PDPK1: variants seen among roughly 807,000 people sequenced by gnomAD.
The protein encoded by PDPK1 is 3-phosphoinositide-dependent protein kinase 1.
PDPK1 carries 7 observed loss-of-function variants against 39.8 expected under a neutral mutation model. The observed-to-expected ratio is 0.18, with a 90% confidence interval of 0.10 to 0.33. PDPK1 has a LOEUF of 0.33. Among genes scored for constraint, PDPK1 ranks in the 10% least tolerant of loss-of-function variants. The pLI, the probability that PDPK1 is intolerant of heterozygous loss-of-function variation, is 1.00. For missense variants in PDPK1, 182 were observed against 384.7 expected, an observed-to-expected ratio of 0.47 and a Z score of 4.41; for synonymous variants, 118 against 159.1, an observed-to-expected ratio of 0.74 and a Z score of 1.95.
rs750722104 is a variant in PDPK1 at position 2,558,683 on chromosome 16, C to T, written c.285+720C>T. On this transcript the variant is annotated intron_variant, in intron 2 of 13. Coordinates refer to ENST00000342085, the MANE Select transcript of PDPK1 (RefSeq NM_002613.5). The stretch of plus-strand genomic sequence containing the variant: ...AGGTTCAGGGGAGGCCTGAGCAACT[C>T]GGGGTGTACTGTCTCCATCTGGGCC... Among the ~76,000 whole-genome samples, 104 of 148,066 alleles carry T rather than the reference C, an allele frequency of 7.0e-4. 3 individuals are homozygous for T. The highest frequency in any genetic ancestry group is 1.3e-3 in the Non-Finnish European group (88 of 67,960).
chr16:2,558,020 C>T, intron 2 of PDPK1, 57 bp downstream of exon 2: 6 of 1,597,876 alleles, frequency 3.8e-6, no homozygotes, highest in Non-Finnish European at 5.1e-6. Context: ...GGGAGGCTCA[C>T]CTTCCTCGGG....
chr16:2,591,450 T>G (rs542860549), intron 11 of PDPK1, among the ~76,000 whole-genome samples: 1 of 152,328 alleles, frequency 6.6e-6, no homozygotes, highest in South Asian at 2.1e-4. Context: ...GAGTCAGATT[T>G]CACATTGCAA....
intron 11 of PDPK1, among the ~76,000 whole-genome samples, chr16:2,591,378 G>T (rs116547672): frequency 1.7e-4 from 26 of 152,358 alleles, no homozygotes; most frequent in African/African-American, 6.3e-4. Context: ...GGGTAGAAGA[G>T]CCCCTAGTGC....
intron 1 of PDPK1, 81 bp downstream of exon 1, chr16:2,538,217 G>T: frequency 1.3e-6 from 1 of 761,510 alleles, no homozygotes; most frequent in South Asian, 5.8e-5. Flanking sequence ...GCGAGGCGGG[G>T]CGGCCCGGGG....
chr16:2,600,942 C>T lies in PDPK1; in HGVS notation c.*3175C>T, dbSNP rs1203380219. 1 of 227,080 alleles carries T rather than the reference C, an allele frequency of 4.4e-6. No individual in the cohort carries two copies. The highest frequency in any genetic ancestry group is 8.6e-6 in the Non-Finnish European group (1 of 116,304). 14.1% of individuals were successfully genotyped at this position (227,080 alleles called of 1,614,324 possible). On this transcript the variant is annotated 3_prime_UTR_variant, in exon 14 of 14. Coordinates refer to ENST00000342085, the MANE Select transcript of PDPK1 (RefSeq NM_002613.5). Reference sequence around the variant, plus strand: ...TGATATTTTAAGCATTTTCCCATGTCATGAGTTTCTCAGAAACATGTTTTT... The same window carrying T: ...TGATATTTTAAGCATTTTCCCATGTTATGAGTTTCTCAGAAACATGTTTTT...
chr16:2,585,993 A>G (rs1051636847), intron 10 of PDPK1, among the ~76,000 whole-genome samples: 2 of 152,164 alleles, frequency 1.3e-5, no homozygotes, highest in African/African-American at 4.8e-5. Flanking sequence ...TCCCTTGCCC[A>G]GGGACTCTCT....
chr16:2,588,799 C>T (rs766599654), intron 11 of PDPK1, among the ~76,000 whole-genome samples: 3 of 152,070 alleles, frequency 2.0e-5, no homozygotes, highest in Admixed American at 1.3e-4. Flanking sequence ...ACCAAATCCC[C>T]GAGGTCAGGG....
intron 1 of PDPK1, among the ~76,000 whole-genome samples, chr16:2,545,236 T>C (rs897064304): frequency 6.6e-6 from 1 of 152,040 alleles, no homozygotes; most frequent in African/African-American, 2.4e-5. Context: ...TGGAATTTTA[T>C]TGTAACGTGG....
At chr16:2,585,945 A>G (rs1431043363) in intron 10 of PDPK1, among the ~76,000 whole-genome samples, 1 of 152,160 alleles carries the variant, frequency 6.6e-6, no homozygotes, top group African/African-American at 2.4e-5. Flanking sequence ...TGGCCTCCAC[A>G]GAGCTCAGAT....
chr16:2,538,329 C>G (rs2066175441), intron 1 of PDPK1, 193 bp downstream of exon 1: 1 of 405,226 alleles, frequency 2.5e-6, no homozygotes, highest in Non-Finnish European at 4.4e-6. Flanking sequence ...GAGACCGGGC[C>G]TGGGTTGCGG....
chr16:2,587,253 A>G (rs1340497680), intron 11 of PDPK1, among the ~76,000 whole-genome samples: 1 of 151,864 alleles, frequency 6.6e-6, no homozygotes, highest in African/African-American at 2.4e-5. Context: ...TTGTCCATTT[A>G]TGTCTTCTAA....
intron 11 of PDPK1, among the ~76,000 whole-genome samples, chr16:2,588,594 G>T (rs1282665645): frequency 6.6e-6 from 1 of 152,166 alleles, no homozygotes; most frequent in Non-Finnish European, 1.5e-5. Flanking sequence ...GGTGATGGCG[G>T]CAAGTCAGGA....
chr16:2,602,540 A>G lies in PDPK1; in HGVS notation c.*4773A>G, dbSNP rs184540154. The G allele has an allele frequency of 1.3e-3, 301 of 234,772 alleles. No individual in the cohort carries two copies. The highest frequency in any genetic ancestry group is 0.01 in the Middle Eastern group (8 of 786). 14.5% of individuals were successfully genotyped at this position (234,772 alleles called of 1,614,324 possible). ...GCTGTGTAACCCACATAGCCTAACC[A>G]CCTGGCAGAATGACTACGAATAGGG... On this transcript the variant is annotated 3_prime_UTR_variant, in exon 14 of 14. Coordinates refer to ENST00000342085, the MANE Select transcript of PDPK1 (RefSeq NM_002613.5).
At chr16:2,538,793 G>C (rs1478761325) in intron 1 of PDPK1, 1 of 1,270,274 alleles carries the variant, frequency 7.9e-7, no homozygotes, top group African/African-American at 1.5e-5. Flanking sequence ...TTTAGGGGAA[G>C]GACCAAAACA....
Position 2,593,268 on chromosome 16 carries a change from T to C in PDPK1, c.1344-2525T>C. 2.8e-6 allele frequency: 1 copy of C among 359,586 alleles called. No individual in the cohort carries two copies. Among genetic ancestry groups the C allele is most frequent in the Non-Finnish European group, 5.4e-6 (1 of 184,492 alleles). The allele number at this position is 359,586 out of a possible 1,614,324, so 22.3% of individuals were successfully genotyped here. ...TTCTGGGAATTTTTAGTTTGTGTCATTTTGTTGAGTTTTCTGTTGGGTTCC... is the reference window on the plus strand; with the variant it reads ...TTCTGGGAATTTTTAGTTTGTGTCACTTTGTTGAGTTTTCTGTTGGGTTCC... On this transcript the variant is annotated intron_variant, in intron 11 of 13. Transcript: ENST00000342085. The surrounding 1 kb of genome is among the most constrained non-coding windows in gnomAD (Gnocchi z 4.2).
Position 2,597,977 on chromosome 16 carries a change from A to T in PDPK1, c.*210A>T. 1 of 573,832 alleles carries T rather than the reference A, an allele frequency of 1.7e-6. No individual in the cohort carries two copies. Among genetic ancestry groups the T allele is most frequent in the Non-Finnish European group, 3.1e-6 (1 of 322,410 alleles). The allele number at this position is 573,832 out of a possible 1,614,324, so 35.5% of individuals were successfully genotyped here. ...ACCAGTAACAAACACAAAGGAATTCAGGGTCGCTTTGCTTGCTCTCTGTGC... is the reference window on the plus strand; with the variant it reads ...ACCAGTAACAAACACAAAGGAATTCTGGGTCGCTTTGCTTGCTCTCTGTGC... On this transcript the variant is annotated 3_prime_UTR_variant, in exon 14 of 14. Transcript: ENST00000342085. The surrounding 1 kb of genome is among the most constrained non-coding windows in gnomAD (Gnocchi z 6.3).
At position 2,598,733 on chromosome 16, in the gene PDPK1, C is replaced by A; in HGVS notation, c.*966C>A. 4.3e-6 allele frequency: 1 copy of A among 233,324 alleles called. No homozygotes were observed. Among genetic ancestry groups the A allele is most frequent in the Non-Finnish European group, 8.5e-6 (1 of 118,066 alleles). 14.5% of individuals were successfully genotyped at this position (233,324 alleles called of 1,614,324 possible). A position where few individuals can be genotyped will look rare whatever the true frequency, so the allele number is the denominator to read the frequency against. ...TCCTAAAAGGTTTAAATGTCCACGC[C>A]TCTCCAGTTGCTGAAGTAGGGTCTG... On this transcript the variant is annotated 3_prime_UTR_variant, in exon 14 of 14. Coordinates refer to ENST00000342085, the MANE Select transcript of PDPK1 (RefSeq NM_002613.5).
chr16:2,592,670 G>C (rs2067013493), intron 11 of PDPK1: 1 of 415,130 alleles, frequency 2.4e-6, no homozygotes, highest in East Asian at 7.1e-5. Flanking sequence ...GCGAGACTCT[G>C]TCTTAAAAAA....
At chr16:2,542,836 G>C in intron 1 of PDPK1, among the ~76,000 whole-genome samples, 1 of 151,862 alleles carries the variant, frequency 6.6e-6, no homozygotes, top group East Asian at 1.9e-4. Context: ...CGTCTCCTGC[G>C]TGTTTGCGGA....
Sources: gnomAD v4.1 joint callset for allele counts (sites outside exome capture counted in the v4.1 genomes callset) on GRCh38, gnomAD v4.1.1 for gene constraint, Gnocchi (gnomAD v3.1) non-coding constraint, MANE v1.5 for transcripts, NCBI Gene and HGNC (gene_info 2026-07-23, HGNC 2026-07-21) for gene names.